RIIAD1: variants seen among roughly 807,000 people sequenced by gnomAD.
RIIAD1 encodes regulatory subunit of type II PKA R-subunit domain containing 1, also known as RIIa domain-containing protein 1.
A neutral mutation model predicts 13.3 loss-of-function variants in RIIAD1; 15 were observed. The ratio of observed to expected loss-of-function variants is 1.13; its 90% CI spans 0.76 to 1.74. RIIAD1 has a LOEUF of 1.74. RIIAD1 is among the 40% of genes most tolerant of loss of function. The probability of loss-of-function intolerance (pLI) is 0.00; values close to 1 mark genes in which losing one functional copy is unlikely to be tolerated. For synonymous variants in RIIAD1, 50 were observed against 43.3 expected (o/e 1.16, Z -0.61); for missense variants, 121 against 112.2 (o/e 1.08, Z -0.35).
intron 2 of RIIAD1, among the ~76,000 whole-genome samples, chr1:151,724,864 A>G (rs1490382909): frequency 6.6e-6 from 1 of 150,952 alleles, no homozygotes; most frequent in African/African-American, 2.4e-5. Flanking sequence ...CAGTGGTGCG[A>G]TCTCAGCTCA....
At chr1:151,723,131 A>G (rs965701196) in intron 2 of RIIAD1, among the ~76,000 whole-genome samples, 1 of 152,216 alleles carries the variant, frequency 6.6e-6, no homozygotes, top group Non-Finnish European at 1.5e-5. Context: ...AAGGTGGCTC[A>G]TGCCTGTAAT....
chr1:151,723,161 G>A (rs980091091), intron 2 of RIIAD1, among the ~76,000 whole-genome samples: 52 of 152,210 alleles, frequency 3.4e-4, no homozygotes, highest in Non-Finnish European at 1.2e-4. Context: ...TTGGGAGGCC[G>A]AGGCGGGTGG....
chr1:151,712,028 A>T (rs2101471781), intron 2 of RIIAD1: 1 of 152,366 alleles, frequency 6.6e-6, no homozygotes, highest in East Asian at 1.9e-4. Context: ...CACAGACAGG[A>T]CCCTTGGCGC....
intron 3 of RIIAD1, chr1:151,714,381 C>T (rs1172976155): frequency 4.8e-6 from 3 of 628,154 alleles, no homozygotes; most frequent in African/African-American, 3.7e-5. Flanking sequence ...TGGTAAAAGT[C>T]ATGTTTACGC....
chr1:151,726,376 A>G (rs1458043002), intron 2 of RIIAD1, among the ~76,000 whole-genome samples: 5 of 152,218 alleles, frequency 3.3e-5, no homozygotes, highest in Non-Finnish European at 7.3e-5. Context: ...TTTATTTTGA[A>G]AAAAGCAGTC....
chr1:151,712,957 A>C (rs1673150465), intron 2 of RIIAD1, among the ~76,000 whole-genome samples: 1 of 152,100 alleles, frequency 6.6e-6, no homozygotes, highest in Non-Finnish European at 1.5e-5. Flanking sequence ...CACACGTGCA[A>C]ACACACACTG....
At position 151,722,111 on chromosome 1, in the gene RIIAD1, A is replaced by G. The variant is rs1673749044; in HGVS notation, c.110A>G (p.Lys37Arg). Residue 37 changes from lysine to arginine, a missense_variant, in exon 2 of 5, where the codon AAG becomes AGG. Lys to Arg is a conservative substitution (Grantham distance 26). Transcript: ENST00000479191. ...FKIQTRIANEKYLRTHKEVEW... is the reference protein window; with the variant it reads ...FKIQTRIANERYLRTHKEVEW... ...ATTCAGACTCGGATTGCTAACGAAA[A>G]GTACCTAAGGACCCACAAAGAAGTA... 1 of 1,551,348 alleles carries G rather than the reference A, an allele frequency of 6.4e-7. No homozygotes were observed. The highest frequency in any genetic ancestry group is 8.7e-7 in the Non-Finnish European group (1 of 1,146,732).
At chr1:151,715,382 T>C (rs555932716) in intron 4 of RIIAD1, among the ~76,000 whole-genome samples, 1 of 152,212 alleles carries the variant, frequency 6.6e-6, no homozygotes, top group African/African-American at 2.4e-5. Context: ...CATGCCCTGC[T>C]TCCTAGTCCC....
At chr1:151,723,801 T>G (rs1673781301) in intron 2 of RIIAD1, among the ~76,000 whole-genome samples, 1 of 152,174 alleles carries the variant, frequency 6.6e-6, no homozygotes, top group African/African-American at 2.4e-5. Flanking sequence ...CAGAGAAAAC[T>G]GAAACCTATC....
At chr1:151,728,963 C>T (rs1647256025) in intron 4 of RIIAD1, 70 bp downstream of exon 4, 1 of 645,386 alleles carries the variant, frequency 1.5e-6, no homozygotes, top group Middle Eastern at 2.5e-4. Flanking sequence ...GTTTATTGGT[C>T]CAGGGTGTGA....
chr1:151,713,355 G>T (rs1237254230), intron 2 of RIIAD1: 3 of 152,252 alleles, frequency 2.0e-5, no homozygotes, highest in Admixed American at 2.0e-4. Context: ...GACACCTGCA[G>T]CTGGTACACA....
At position 151,721,564 on chromosome 1, in the gene RIIAD1, C is replaced by T. The variant is rs1673735498; in HGVS notation, c.28C>T (p.Arg10Trp). The change falls in exon 1 of 5, where the codon CGG becomes TGG. Residue 10 changes from arginine (R) to tryptophan (W), a missense_variant. Physicochemically the swap from Arg to Trp is moderately radical, Grantham distance 101. Transcript: ENST00000479191. ...GGAGACGCTGCCAGGCTTGCTGCAG[C>T]GGCCCGACCCCGGGGCGCTTAGCGC... METLPGLLQ[R>W]PDPGALSAAQ... 4.5e-6 allele frequency: 6 copies of T among 1,327,100 alleles called. No homozygotes were observed. The highest frequency in any genetic ancestry group is 1.9e-5 in the South Asian group (1 of 53,728). The allele number at this position is 1,327,100 out of a possible 1,614,324, so 82.2% of individuals were successfully genotyped here.
At chr1:151,727,442 A>G (rs985415254) in intron 2 of RIIAD1, 133 bp from the exon 3 acceptor site, 5 of 696,268 alleles carry the variant, frequency 7.2e-6, no homozygotes, top group Non-Finnish European at 1.3e-5. Context: ...CTTTGTCAGG[A>G]GTCTGCGGAT....
intron 2 of RIIAD1, 121 bp downstream of exon 2, chr1:151,722,283 A>G (rs1359279934): frequency 1.5e-6 from 1 of 687,186 alleles, no homozygotes; most frequent in Non-Finnish European, 2.6e-6. Flanking sequence ...CTTTAACCAT[A>G]AGGATAAATA....
chr1:151,721,455 A>AGGGGCCGGGCTTGGGGGCAGGGC (rs1673732705), upstream of RIIAD1: 1 of 824,038 alleles, frequency 1.2e-6, no homozygotes, highest in Non-Finnish European at 1.7e-6. Flanking sequence ...GCTTCGCTGA[A>AGGGGCCGGGCTTGGGGGCAGGGC]GGGGCCGGGC....
At position 151,727,712 on chromosome 1, in the gene RIIAD1, C is replaced by CT; in HGVS notation, c.208+91_208+92insT. ...TAGACTTGAATGAGCCCAGGATTCT[C>CT]CCAGAGTCTGGGGTACTCCTTCACC... is the stretch of plus-strand genomic sequence containing the variant. On this transcript the variant is annotated intron_variant, in intron 3 of 4. Transcript: ENST00000479191. The CT allele has an allele frequency of 8.3e-6, 6 of 721,268 alleles. No homozygotes were observed. In the South Asian group the frequency reaches 9.8e-5, roughly 12 times the overall value. 44.7% of individuals were successfully genotyped at this position (721,268 alleles called of 1,614,324 possible).
chr1:151,718,833 C>T (rs143278123), upstream of RIIAD1, among the ~76,000 whole-genome samples: 1,930 of 152,226 alleles, frequency 0.013, 20 homozygotes, highest in Non-Finnish European at 0.021. Context: ...ACCCCACCCC[C>T]ACTGCTCCTT....
At chr1:151,726,411 C>T (rs1673829988) in intron 2 of RIIAD1, among the ~76,000 whole-genome samples, 1 of 152,144 alleles carries the variant, frequency 6.6e-6, no homozygotes, top group Non-Finnish European at 1.5e-5. Context: ...CAATTACTTG[C>T]ACATAATTTG....
chr1:151,716,338 AGGTGGTAGCCGGG>A (rs1284032444), intron 4 of RIIAD1: 1 of 338,948 alleles, frequency 3.0e-6, no homozygotes, highest in Admixed American at 4.3e-5. Context: ...CTGGAGGGTT[AGGTGGTAGCCGGG>A]GGTGCTAGGG....
Sources: gnomAD v4.1 joint callset for allele counts (sites outside exome capture counted in the v4.1 genomes callset) on GRCh38, gnomAD v4.1.1 for gene constraint, MANE v1.5 for transcripts, NCBI Gene and HGNC (gene_info 2026-07-23, HGNC 2026-07-21) for gene names.